AARS1: variants seen among roughly 807,000 people sequenced by gnomAD.
The protein encoded by AARS1 is alanyl-tRNA synthetase 1.
A neutral mutation model predicts 108.9 loss-of-function variants in AARS1; 72 were observed. The observed-to-expected ratio is 0.66, with a 90% CI of 0.55 to 0.80. AARS1 has a LOEUF of 0.80. Among genes scored for constraint, AARS1 ranks in the 30% least tolerant of loss-of-function variants. AARS1 has a pLI of 0.00. For missense variants in AARS1, 1,193 were observed against 1,233.2 expected (o/e 0.97, Z 0.49); for synonymous variants, 489 against 465.7 (o/e 1.05, Z -0.64).
intron 4 of AARS1, among the ~76,000 whole-genome samples, chr16:70,272,235 T>C (rs1960423112): frequency 1.3e-5 from 2 of 152,104 alleles, no homozygotes; most frequent in Admixed American, 6.6e-5. Context: ...CTGGGCGTGG[T>C]GGCTCATGCC....
At chr16:70,256,431 A>G (rs1241496220) in intron 15 of AARS1, among the ~76,000 whole-genome samples, 2 of 151,962 alleles carry the variant, frequency 1.3e-5, no homozygotes, top group Non-Finnish European at 2.9e-5. Flanking sequence ...CAGCCACCCA[A>G]GTAGCTTGGA....
chr16:70,270,321 T>A lies in AARS1; in HGVS notation c.691A>T (p.Lys231Ter), dbSNP rs1960369184. Reference protein sequence around the residue: ...QYNREADGILKPLPKKSIDTG... With the variant: ...QYNREADGIL ...TCAATGCTTTTCTTGGGAAGAGGTT[T>A]CAGAATGCCATCAGCTTCCCTGTAT... The change falls in exon 6 of 21, where the codon AAA (lysine) becomes TAA (stop). Residue 231 changes from lysine to a stop codon, truncating the protein, a stop_gained. Coordinates refer to ENST00000261772, the MANE Select transcript of AARS1 (RefSeq NM_001605.3). LOFTEE classifies it high-confidence loss of function. The A allele has an allele frequency of 6.2e-7, 1 of 1,614,036 alleles. No individual in the cohort carries two copies. The highest frequency in any genetic ancestry group is 8.5e-7 in the Non-Finnish European group (1 of 1,180,048).
intron 2 of AARS1, among the ~76,000 whole-genome samples, chr16:70,281,190 A>C (rs1044830142): frequency 1.3e-5 from 2 of 152,142 alleles, no homozygotes; most frequent in Non-Finnish European, 2.9e-5. Context: ...AATTTTCTTC[A>C]GCAATGGATC....
At chr16:70,289,086 A>G (rs1243288874) in intron 1 of AARS1, among the ~76,000 whole-genome samples, 3 of 152,060 alleles carry the variant, frequency 2.0e-5, no homozygotes, top group Non-Finnish European at 4.4e-5. Flanking sequence ...AAATCAAGGA[A>G]TGGCTGGCTT....
chr16:70,277,667 T>C (rs946303676), intron 2 of AARS1, among the ~76,000 whole-genome samples: 2 of 152,184 alleles, frequency 1.3e-5, no homozygotes, highest in East Asian at 3.8e-4. Context: ...AGGTCATGCT[T>C]TGATGTATCA....
chr16:70,256,927 C>G (rs879324138), intron 15 of AARS1, among the ~76,000 whole-genome samples: 20 of 151,406 alleles, frequency 1.3e-4, no homozygotes, highest in Non-Finnish European at 2.7e-4. Context: ...CCAGCCTGAC[C>G]AACGTGGAGA....
At chr16:70,282,335 A>AG (rs1465513443) in intron 2 of AARS1, among the ~76,000 whole-genome samples, 10 of 151,306 alleles carry the variant, frequency 6.6e-5, no homozygotes, top group Non-Finnish European at 1.5e-4. Context: ...TCTCAGGAAA[A>AG]AAAAAAAAAA....
intron 5 of AARS1, among the ~76,000 whole-genome samples, chr16:70,271,164 G>A (rs186771319): frequency 1.7e-4 from 25 of 148,040 alleles, no homozygotes; most frequent in Middle Eastern, 3.8e-3. Flanking sequence ...GACAGAGCAA[G>A]ACTCCATCTC....
chr16:70,259,958 G>C (rs1437142940), intron 13 of AARS1, among the ~76,000 whole-genome samples: 2 of 152,050 alleles, frequency 1.3e-5, no homozygotes, highest in Non-Finnish European at 2.9e-5. Flanking sequence ...TTTTAGTAGA[G>C]ACAGGGTTTC....
chr16:70,283,935 G>A (rs546213850), intron 1 of AARS1, among the ~76,000 whole-genome samples: 1 of 152,308 alleles, frequency 6.6e-6, no homozygotes, highest in African/African-American at 2.4e-5. Context: ...TCACAAGTTG[G>A]GCGCGGTGGC....
Position 70,259,178 on chromosome 16 carries a change from T to C in AARS1, c.1794A>G (p.Arg598=). 1 of 1,614,046 alleles carries C rather than the reference T, an allele frequency of 6.2e-7. No homozygotes were observed. Among genetic ancestry groups the C allele is most frequent in the Non-Finnish European group, 8.5e-7 (1 of 1,180,026 alleles). The change falls in exon 14 of 21, where the codon CGA becomes CGG. Residue 598 remains arginine, a synonymous_variant. Transcript: ENST00000261772. ...CTGTGTGGTTGCTCATGATGGGTCT[T>C]CGTCGGGGCTGGAAAGGGCAGAGGG... ...QVWLFIDEPR[R]RPIMSNHTAT...
intron 2 of AARS1, among the ~76,000 whole-genome samples, chr16:70,282,382 C>T (rs1285184902): frequency 6.7e-6 from 1 of 149,390 alleles, no homozygotes; most frequent in Non-Finnish European, 1.5e-5. Flanking sequence ...GTACTATGTG[C>T]GAAATACCGT....
At position 70,252,470 on chromosome 16, in the gene AARS1, T is replaced by G. The variant is rs116553521; in HGVS notation, c.*251A>C. 4.4e-3 allele frequency: 2,465 copies of G among 557,542 alleles called. 43 individuals carry two copies. Among genetic ancestry groups the G allele is most frequent in the African/African-American group, 0.041 (2,176 of 53,166 alleles). The allele number at this position is 557,542 out of a possible 1,614,324, so 34.5% of individuals were successfully genotyped here. A position where few individuals can be genotyped will look rare whatever the true frequency, so the allele number is the denominator to read the frequency against. ...CGGAAAGCTCAGGTCTGGAGAGCCG[T>G]TATCTATAGATGCGAGCGTGACGAT... On this transcript the variant is annotated 3_prime_UTR_variant, in exon 21 of 21. Coordinates refer to ENST00000261772, the MANE Select transcript of AARS1 (RefSeq NM_001605.3).
intron 4 of AARS1, among the ~76,000 whole-genome samples, chr16:70,273,282 TAC>T (rs1033876102): frequency 6.6e-6 from 1 of 152,158 alleles, no homozygotes; most frequent in African/African-American, 2.4e-5. Flanking sequence ...CCCAGCTGTC[TAC>T]AGAGGGCACA....
intron 4 of AARS1, among the ~76,000 whole-genome samples, chr16:70,273,196 G>T (rs1960452181): frequency 6.6e-6 from 1 of 152,002 alleles, no homozygotes; most frequent in South Asian, 2.1e-4. Context: ...TCCAAGTATA[G>T]TAAAAAGCTA....
chr16:70,285,129 T>A (rs1216657629), intron 1 of AARS1, among the ~76,000 whole-genome samples: 1 of 151,418 alleles, frequency 6.6e-6, no homozygotes, highest in Non-Finnish European at 1.5e-5. Context: ...CTCAGAAGGC[T>A]GAGATGGGAG....
At chr16:70,283,602 A>G (rs1193714479) in intron 1 of AARS1, among the ~76,000 whole-genome samples, 2 of 152,102 alleles carry the variant, frequency 1.3e-5, no homozygotes, top group African/African-American at 4.8e-5. Context: ...GTTAATGTAC[A>G]CGCCTAGAAC....
intron 1 of AARS1, 34 bp from the exon 2 acceptor site, chr16:70,282,818 G>C: frequency 6.2e-7 from 1 of 1,603,196 alleles, no homozygotes; most frequent in Non-Finnish European, 8.5e-7. Flanking sequence ...GGAAAATTAA[G>C]GGAATTGAAA....
chr16:70,283,379 G>T (rs1960754610), intron 1 of AARS1, among the ~76,000 whole-genome samples: 1 of 150,424 alleles, frequency 6.6e-6, no homozygotes, highest in African/African-American at 2.4e-5. Flanking sequence ...CCTGGCGACA[G>T]AGAGAGACTC....
Sources: gnomAD v4.1 joint callset for allele counts (sites outside exome capture counted in the v4.1 genomes callset) on GRCh38, gnomAD v4.1.1 for gene constraint, MANE v1.5 for transcripts, NCBI Gene and HGNC (gene_info 2026-07-23, HGNC 2026-07-21) for gene names.